Variants in TTC29 observed in about 807,000 individuals in gnomAD.
TTC29 encodes the protein tetratricopeptide repeat domain 29, also known as tetratricopeptide repeat protein 29.
In TTC29, 49 loss-of-function variants were observed where a neutral mutation model predicts 58.1. The ratio of observed to expected loss-of-function variants is 0.84; its 90% CI spans 0.67 to 1.07. TTC29 has a LOEUF of 1.07. Ranked by LOEUF, TTC29 falls within the 50% of genes least tolerant of loss-of-function variation. The probability of loss-of-function intolerance (pLI) is 0.00; values close to 1 mark genes in which losing one functional copy is unlikely to be tolerated. For synonymous variants in TTC29, 209 were observed against 196.8 expected (o/e 1.06, Z -0.52); for missense variants, 582 against 555.6 (o/e 1.05, Z -0.48).
chr4:146,790,904 C>A lies in TTC29; in HGVS notation c.1330+12553G>T, dbSNP rs908840989. On this transcript the variant is annotated intron_variant, in intron 11 of 12. Transcript: ENST00000325106. ...TGTACTGGTAAACAAATTTTCTGGA[C>A]ATTTTTTGTTGTTACATAGCTTTAG... is the stretch of plus-strand genomic sequence containing the variant. Among the ~76,000 whole-genome samples the A allele has an allele frequency of 2.6e-5, 4 of 152,138 alleles. No homozygotes were observed. In the South Asian group the frequency reaches 8.3e-4, roughly 32 times the overall value.
intron 11 of TTC29, among the ~76,000 whole-genome samples, chr4:146,738,150 A>G (rs990121528): frequency 1.2e-4 from 19 of 152,244 alleles, no homozygotes; most frequent in Non-Finnish European, 2.4e-4. Flanking sequence ...GATCTGGACC[A>G]GCATGGCGGC....
At chr4:146,794,388 T>C (rs1749684789) in intron 11 of TTC29, among the ~76,000 whole-genome samples, 1 of 152,120 alleles carries the variant, frequency 6.6e-6, no homozygotes, top group Non-Finnish European at 1.5e-5. Context: ...AATTAGTAGC[T>C]AAAGGATGAA....
At position 146,903,498 on chromosome 4, in the gene TTC29, GATCCAC is replaced by G. The variant is rs769736527; in HGVS notation, c.586+40_586+45del. ...GTGTTTTTCCATTGTGTGATCTCAG[GATCCAC>G]CAAAACATACCCAAGGCATCCTGGC... On this transcript the variant is annotated intron_variant, in intron 6 of 12. Transcript: ENST00000325106. 4.0e-6 allele frequency: 6 copies of G among 1,513,384 alleles called. No homozygotes were observed. The Admixed American group carries it at 1.2e-4, about 30-fold the overall frequency. The allele number at this position is 1,513,384 out of a possible 1,614,324, so 93.7% of individuals were successfully genotyped here.
chr4:146,844,820 T>C (rs906246224), intron 8 of TTC29, among the ~76,000 whole-genome samples: 1 of 152,172 alleles, frequency 6.6e-6, no homozygotes, highest in Admixed American at 6.6e-5. Flanking sequence ...TTCTGTGCAA[T>C]GTAAGATTAA....
At chr4:146,817,600 A>G in intron 10 of TTC29, among the ~76,000 whole-genome samples, 1 of 152,208 alleles carries the variant, frequency 6.6e-6, no homozygotes, top group East Asian at 1.9e-4. Context: ...TTCATATGGA[A>G]TCAAAACAGA....
chr4:146,875,460 C>T (rs1027493770), intron 6 of TTC29, among the ~76,000 whole-genome samples: 3 of 152,104 alleles, frequency 2.0e-5, no homozygotes, highest in African/African-American at 4.8e-5. Flanking sequence ...AACCAATATC[C>T]TCTACTGCTT....
At chr4:146,709,974 T>A (rs1742361935) in intron 11 of TTC29, among the ~76,000 whole-genome samples, 1 of 152,128 alleles carries the variant, frequency 6.6e-6, no homozygotes, top group African/African-American at 2.4e-5. Context: ...AGGGTTTCAG[T>A]CCTTCCTTCT....
intron 11 of TTC29, among the ~76,000 whole-genome samples, chr4:146,735,769 G>A (rs566549696): frequency 4.8e-4 from 73 of 152,292 alleles, no homozygotes; most frequent in Non-Finnish European, 7.9e-4. Context: ...CCAATGTGAT[G>A]TTACTCTTGT....
At chr4:146,928,776 T>C (rs73852788) in intron 4 of TTC29, among the ~76,000 whole-genome samples, 11,369 of 152,170 alleles carry the variant, frequency 0.075, 1,444 homozygotes, top group African/African-American at 0.26. Flanking sequence ...AAGCCACCAA[T>C]GTCTTTTGCT....
chr4:146,766,698 T>A (rs1747348873), intron 11 of TTC29, among the ~76,000 whole-genome samples: 1 of 152,080 alleles, frequency 6.6e-6, no homozygotes, highest in South Asian at 2.1e-4. Flanking sequence ...AGTGTTAGGT[T>A]TTATAAGATC....
intron 11 of TTC29, among the ~76,000 whole-genome samples, chr4:146,723,578 C>G (rs1160987287): frequency 6.6e-6 from 1 of 152,154 alleles, no homozygotes; most frequent in Non-Finnish European, 1.5e-5. Flanking sequence ...ATGACATGAA[C>G]AGACACTTCT....
chr4:146,773,255 T>G (rs1207195456), intron 11 of TTC29, among the ~76,000 whole-genome samples: 1 of 152,090 alleles, frequency 6.6e-6, no homozygotes, highest in East Asian at 1.9e-4. Context: ...CAGTACTATG[T>G]CAAATAGGAA....
chr4:146,921,024 T>C (rs186038507), intron 4 of TTC29, among the ~76,000 whole-genome samples: 36 of 151,602 alleles, frequency 2.4e-4, no homozygotes, highest in Admixed American at 3.9e-4. Context: ...CAAACTTGAA[T>C]GCTTAAAAGA....
chr4:146,785,887 A>C (rs1338195555), intron 11 of TTC29, among the ~76,000 whole-genome samples: 1 of 152,134 alleles, frequency 6.6e-6, no homozygotes, highest in African/African-American at 2.4e-5. Context: ...AGTTAACTAA[A>C]GGTCACTAAA....
At chr4:146,758,347 C>T (rs1432807680) in intron 11 of TTC29, among the ~76,000 whole-genome samples, 1 of 152,034 alleles carries the variant, frequency 6.6e-6, no homozygotes, top group Non-Finnish European at 1.5e-5. Context: ...AAAACAATTA[C>T]TAATAGACCT....
At chr4:146,923,275 A>C (rs962899828) in intron 4 of TTC29, among the ~76,000 whole-genome samples, 1 of 151,782 alleles carries the variant, frequency 6.6e-6, no homozygotes, top group Non-Finnish European at 1.5e-5. Flanking sequence ...GTAGCATAAG[A>C]AAATTAAAAT....
chr4:146,750,264 C>T (rs1745883057), intron 11 of TTC29, among the ~76,000 whole-genome samples: 1 of 152,200 alleles, frequency 6.6e-6, no homozygotes, highest in South Asian at 2.1e-4. Flanking sequence ...GCCTCGGCCT[C>T]CCAAAGTGCT....
At chr4:146,906,619 A>G (rs1371173960) in intron 5 of TTC29, among the ~76,000 whole-genome samples, 1 of 152,184 alleles carries the variant, frequency 6.6e-6, no homozygotes, top group African/African-American at 2.4e-5. Context: ...TCAAACCACA[A>G]TTTTCCTCCA....
intron 11 of TTC29, among the ~76,000 whole-genome samples, chr4:146,708,343 T>C (rs1219820584): frequency 9.6e-5 from 4 of 41,666 alleles, no homozygotes; most frequent in East Asian, 9.5e-4. Flanking sequence ...TATATATATA[T>C]ATATATATAT....
Sources: gnomAD v4.1 joint callset for allele counts (sites outside exome capture counted in the v4.1 genomes callset) on GRCh38, gnomAD v4.1.1 for gene constraint, MANE v1.5 for transcripts, NCBI Gene and HGNC (gene_info 2026-07-23, HGNC 2026-07-21) for gene names.